The following PICALM variants were observed in gnomAD, a reference collection of about 807,000 sequenced individuals.
The protein encoded by PICALM is phosphatidylinositol-binding clathrin assembly protein.
Under a neutral mutation model 80.5 loss-of-function variants are expected in PICALM, and 40 were observed. The ratio of observed to expected loss-of-function variants is 0.50; its 90% CI spans 0.39 to 0.65. PICALM has a LOEUF of 0.65. Among genes scored for constraint, PICALM ranks in the 30% least tolerant of loss-of-function variants. The pLI is 0.00. For synonymous variants in PICALM, 288 were observed against 260.3 expected (o/e 1.11, Z -1.02); for missense variants, 676 against 778.9 (o/e 0.87, Z 1.57).
chr11:86,041,966 CCT>C (rs1161401157), intron 1 of PICALM, among the ~76,000 whole-genome samples: 2 of 149,620 alleles, frequency 1.3e-5, no homozygotes, highest in African/African-American at 2.6e-5. Flanking sequence ...CCTCCCCCCT[CCT>C]CTGATTATCA....
intron 1 of PICALM, among the ~76,000 whole-genome samples, chr11:86,037,037 C>A (rs1230698524): frequency 6.6e-6 from 1 of 151,730 alleles, no homozygotes; most frequent in African/African-American, 2.4e-5. Flanking sequence ...CCTCCGCCTC[C>A]CAGGTTCAAG....
intron 17 of PICALM, among the ~76,000 whole-genome samples, chr11:85,977,540 A>G (rs1209456516): frequency 6.6e-6 from 1 of 152,256 alleles, no homozygotes; most frequent in Non-Finnish European, 1.5e-5. Context: ...AACTGAAATT[A>G]TATGGCAATT....
intron 16 of PICALM, among the ~76,000 whole-genome samples, 196 bp from the exon 17 acceptor site, chr11:85,981,424 G>C (rs558829577): frequency 6.6e-6 from 1 of 151,992 alleles, no homozygotes; most frequent in African/African-American, 2.4e-5. Flanking sequence ...TGGCTAACAC[G>C]GCGAAACCCC....
chr11:85,957,804 G>C lies in PICALM; in HGVS notation c.*1242C>G, dbSNP rs2093571540. On this transcript the variant is annotated 3_prime_UTR_variant, in exon 20 of 20. Coordinates refer to ENST00000393346, the MANE Select transcript of PICALM (RefSeq NM_007166.4). The stretch of plus-strand genomic sequence containing the variant: ...ACAAGAATGCTTAAACTCATGTACA[G>C]AATTGCTTTCCTACAATGAACTGTC... 4.5e-6 allele frequency: 1 copy of C among 220,796 alleles called. No individual in the cohort carries two copies. The highest frequency in any genetic ancestry group is 9.1e-6 in the Non-Finnish European group (1 of 110,020). The allele number at this position is 220,796 out of a possible 1,614,324, so 13.7% of individuals were successfully genotyped here. A position where few individuals can be genotyped will look rare whatever the true frequency, so the allele number is the denominator to read the frequency against.
At chr11:85,981,818 C>A in intron 15 of PICALM, 43 bp from the exon 16 acceptor site, 8 of 1,610,768 alleles carry the variant, frequency 5.0e-6, no homozygotes, top group Non-Finnish European at 6.8e-6. Context: ...TAACACGAGA[C>A]GCAGTTTAAT....
At chr11:86,007,464 C>T in intron 8 of PICALM, 78 bp downstream of exon 8, 1 of 800,916 alleles carries the variant, frequency 1.2e-6, no homozygotes, top group Admixed American at 1.8e-5. Flanking sequence ...ACAATGGGGG[C>T]TATATGTTAC....
chr11:86,000,860 T>A, intron 10 of PICALM, 81 bp from the exon 11 acceptor site: 1 of 1,528,182 alleles, frequency 6.5e-7, no homozygotes, highest in Non-Finnish European at 8.9e-7. Context: ...TTTTCTAATT[T>A]GTTCTGATAG....
At chr11:86,001,867 T>C (rs2136116093) in intron 9 of PICALM, among the ~76,000 whole-genome samples, 2 of 152,322 alleles carry the variant, frequency 1.3e-5, no homozygotes, top group Middle Eastern at 6.8e-3. Context: ...AACTCTAGGC[T>C]AAGTAAAACA....
In PICALM at chr11:86,008,293, C is replaced by T. The variant is rs144213324; in HGVS notation, c.766-710G>A. Among the ~76,000 whole-genome samples, 811 of 152,234 alleles carry T rather than the reference C, an allele frequency of 5.3e-3. 5 individuals carry two copies. Among genetic ancestry groups the T allele is most frequent in the South Asian group, 0.01 (50 of 4,820 alleles). Reference sequence around the variant, plus strand: ...AATCAGTCTCCCTTCCTTTTGTGACCTCTCAGGGGCTGGTCTCAGAATGAT... The same window carrying T: ...AATCAGTCTCCCTTCCTTTTGTGACTTCTCAGGGGCTGGTCTCAGAATGAT... On this transcript the variant is annotated intron_variant, in intron 7 of 19. Transcript: ENST00000393346.
intron 1 of PICALM, among the ~76,000 whole-genome samples, chr11:86,046,900 A>T (rs935251311): frequency 1.3e-5 from 2 of 152,144 alleles, no homozygotes; most frequent in Non-Finnish European, 2.9e-5. Flanking sequence ...GGCCTCCCAA[A>T]GTGTTGGGAT....
At chr11:86,035,370 A>G (rs976701902) in intron 1 of PICALM, among the ~76,000 whole-genome samples, 1 of 152,150 alleles carries the variant, frequency 6.6e-6, no homozygotes, top group African/African-American at 2.4e-5. Context: ...GTGCCATCAG[A>G]ATGCAGAGTT....
At chr11:86,055,916 G>A (rs1321326425) in intron 1 of PICALM, among the ~76,000 whole-genome samples, 4 of 151,664 alleles carry the variant, frequency 2.6e-5, no homozygotes, top group Non-Finnish European at 4.4e-5. Flanking sequence ...CAGGTAGATC[G>A]CTTGAGGTCA....
intron 19 of PICALM, among the ~76,000 whole-genome samples, chr11:85,965,891 A>C (rs2093877217): frequency 7.2e-6 from 1 of 138,276 alleles, no homozygotes. Context: ...ATCTCAGCTC[A>C]CTGCAACCTT....
At chr11:85,966,518 AC>A in intron 19 of PICALM, among the ~76,000 whole-genome samples, 1 of 149,956 alleles carries the variant, frequency 6.7e-6, no homozygotes, top group Admixed American at 6.7e-5. Flanking sequence ...AAGTAATACC[AC>A]AATTTTACAG....
chr11:86,059,999 A>G (rs891742193), intron 1 of PICALM, among the ~76,000 whole-genome samples: 2 of 152,210 alleles, frequency 1.3e-5, no homozygotes, highest in Admixed American at 6.5e-5. Flanking sequence ...TTTCCAAGTC[A>G]TACTGAACAC....
At chr11:86,011,206 T>G in intron 6 of PICALM, 70 bp from the exon 7 acceptor site, 1 of 657,630 alleles carries the variant, frequency 1.5e-6, no homozygotes. Flanking sequence ...AAAAAAAAAG[T>G]AGGTAATAGC....
intron 19 of PICALM, among the ~76,000 whole-genome samples, chr11:85,966,217 C>CT (rs2093891476): frequency 6.7e-6 from 1 of 150,122 alleles, no homozygotes; most frequent in Admixed American, 6.6e-5. Flanking sequence ...ACTGTTTTTC[C>CT]CCCCCCAAAG....
chr11:86,064,795 C>T (rs892431760), intron 1 of PICALM, among the ~76,000 whole-genome samples: 2 of 151,284 alleles, frequency 1.3e-5, no homozygotes, highest in African/African-American at 4.9e-5. Flanking sequence ...GGATAAGGGC[C>T]AGGCATGCTG....
chr11:86,022,804 T>C (rs1020521610), intron 3 of PICALM, among the ~76,000 whole-genome samples: 4 of 151,852 alleles, frequency 2.6e-5, no homozygotes, highest in Non-Finnish European at 4.4e-5. Context: ...ATCTCACAAC[T>C]CAAATTTAAC....
Sources: allele counts gnomAD v4.1 joint callset (sites outside exome capture counted in the v4.1 genomes callset), GRCh38; gene constraint gnomAD v4.1.1; transcripts MANE v1.5; gene names NCBI Gene and HGNC (gene_info 2026-07-23, HGNC 2026-07-21).